The following SGCB variants were observed in gnomAD, a reference collection of about 807,000 sequenced individuals.
SGCB encodes the protein beta-sarcoglycan.
A neutral mutation model predicts 27.3 loss-of-function variants in SGCB; 25 were observed. That is an observed-to-expected ratio of 0.92 (90% CI 0.67 to 1.28). SGCB has a LOEUF of 1.28. Ranked by LOEUF, SGCB falls within the 50% of genes most tolerant of loss-of-function variation. The pLI is 0.00. For synonymous variants in SGCB, 147 were observed against 133.5 expected (o/e 1.10, Z -0.70); for missense variants, 436 against 402.1 (o/e 1.08, Z -0.72).
At chr4:52,030,058 A>C (rs1010822293) in intron 2 of SGCB, among the ~76,000 whole-genome samples, 195 bp from the exon 3 acceptor site, 2 of 152,200 alleles carry the variant, frequency 1.3e-5, no homozygotes. Flanking sequence ...GCAAATAGCT[A>C]AAAGTCAAAA....
Position 52,022,391 on chromosome 4 carries a change from A to G in SGCB, c.*1566T>C, listed in dbSNP as rs13989. On this transcript the variant is annotated 3_prime_UTR_variant, in exon 6 of 6. Coordinates refer to ENST00000381431, the MANE Select transcript of SGCB (RefSeq NM_000232.5). ...TACACTTGAATGCAGGGTTGGGCCCATGCCACAACTCTACTGCCTATTTTA... is the reference window on the plus strand; with the variant it reads ...TACACTTGAATGCAGGGTTGGGCCCGTGCCACAACTCTACTGCCTATTTTA... The G allele has an allele frequency of 0.44, 66,510 of 152,124 alleles. 17,091 individuals carry two copies. The highest frequency in any genetic ancestry group is 0.58 in the Non-Finnish European group (39,123 of 67,972). The allele number at this position is 152,124 out of a possible 1,614,324, so 9.4% of individuals were successfully genotyped here. A position where few individuals can be genotyped will look rare whatever the true frequency, so the allele number is the denominator to read the frequency against.
Position 52,029,781 on chromosome 4 carries a change from C to T in SGCB, c.326G>A (p.Arg109Gln). 4 of 1,612,956 alleles carry T rather than the reference C, an allele frequency of 2.5e-6. No homozygotes were observed. Among genetic ancestry groups the T allele is most frequent in the Admixed American group, 1.7e-5 (1 of 59,988 alleles). The change falls in exon 3 of 6, where the codon CGA becomes CAA. Residue 109 changes from arginine to glutamine, a missense_variant. Transcript: ENST00000381431. ...SMEFHESGLL[R>Q]FKQVSDMGVI... Reference sequence around the variant, plus strand: ...TCCCATGTCAGATACTTGCTTAAATCGAAGCAGGCCACTTTCATGAAACTC... The same window carrying T: ...TCCCATGTCAGATACTTGCTTAAATTGAAGCAGGCCACTTTCATGAAACTC...
rs1178201650 is a variant in SGCB at position 52,022,074 on chromosome 4, T to G, written c.*1883A>C. On this transcript the variant is annotated 3_prime_UTR_variant, in exon 6 of 6. Coordinates refer to ENST00000381431, the MANE Select transcript of SGCB (RefSeq NM_000232.5). ...ATTTATGGACCATCTGAATAAAAAT[T>G]TCGGCATTTTTTTCTGAATTCAGAC... 5.3e-5 allele frequency: 8 copies of G among 152,222 alleles called. No individual in the cohort carries two copies. Among genetic ancestry groups the G allele is most frequent in the African/African-American group, 1.9e-4 (8 of 41,462 alleles). The allele number at this position is 152,222 out of a possible 1,614,324, so 9.4% of individuals were successfully genotyped here.
At chr4:52,031,032 T>A (rs1211720866) in intron 2 of SGCB, among the ~76,000 whole-genome samples, 1 of 152,208 alleles carries the variant, frequency 6.6e-6, no homozygotes. Flanking sequence ...TGATTTTGTA[T>A]TCTTTATACA....
intron 2 of SGCB, among the ~76,000 whole-genome samples, chr4:52,030,095 G>C (rs547971878): frequency 3.3e-5 from 5 of 152,050 alleles, no homozygotes; most frequent in Non-Finnish European, 7.4e-5. Context: ...AATTTAAAAT[G>C]AATAGTTTCT....
At chr4:52,034,941 C>G (rs1188193038) in intron 1 of SGCB, among the ~76,000 whole-genome samples, 6 of 152,216 alleles carry the variant, frequency 3.9e-5, no homozygotes, top group Non-Finnish European at 1.5e-5. Context: ...AAAATTTCTC[C>G]ATTTTAACTT....
chr4:52,036,651 G>C (rs947631378), intron 1 of SGCB, among the ~76,000 whole-genome samples: 3 of 152,188 alleles, frequency 2.0e-5, no homozygotes, highest in Non-Finnish European at 2.9e-5. Context: ...TTAAGAGGTA[G>C]AACTGTCAGG....
chr4:52,029,829 C>T lies in SGCB; in HGVS notation c.278G>A (p.Gly93Glu), dbSNP rs1018529334. ...TLVIWAVIRIGPNGCDSMEFH... is the reference protein window; with the variant it reads ...TLVIWAVIRIEPNGCDSMEFH... ...CTCCATACTATCACAGCCATTTGGT[C>T]CAATGCGAATCACGGCCCAAATAAC... Residue 93 changes from glycine to glutamate, a missense_variant, in exon 3 of 6, where the codon GGA becomes GAA. By Grantham distance (98) the Gly-to-Glu change is moderately conservative. Coordinates refer to ENST00000381431, the MANE Select transcript of SGCB (RefSeq NM_000232.5). 7 of 1,613,700 alleles carry T rather than the reference C, an allele frequency of 4.3e-6. No individual in the cohort carries two copies. The Admixed American group carries it at 6.7e-5, about 15-fold the overall frequency.
intron 5 of SGCB, 26 bp from the exon 6 acceptor site, chr4:52,024,186 T>A: frequency 1.3e-6 from 2 of 1,571,794 alleles, no homozygotes; most frequent in Non-Finnish European, 8.7e-7. Context: ...TAATATGATT[T>A]ATTTACCTCC....
chr4:52,032,416 T>C (rs1578127382), intron 2 of SGCB, among the ~76,000 whole-genome samples: 1 of 152,238 alleles, frequency 6.6e-6, no homozygotes, highest in Admixed American at 6.5e-5. Context: ...TGCTTCCGAC[T>C]TTCTTCAAAG....
rs770552656 is a variant in SGCB at position 52,028,089 on chromosome 4, T to C, written c.632A>G (p.Asn211Ser). 3.7e-6 allele frequency: 6 copies of C among 1,612,370 alleles called. No homozygotes were observed. The highest frequency in any genetic ancestry group is 4.5e-5 in the East Asian group (2 of 44,824). ...QKASTERITSNATSDLNIKVD... is the reference protein window; with the variant it reads ...QKASTERITSSATSDLNIKVD... ...TTTTATATTTAAATCACTGGTAGCA[T>C]TGCTGGTAATCTGAAAATTTAAAAA... Residue 211 changes from asparagine to serine, a missense_variant, in exon 5 of 6, where the codon AAT becomes AGT. Asn to Ser is a conservative substitution (Grantham distance 46, BLOSUM62 1). Transcript: ENST00000381431.
chr4:52,028,187 A>C (rs763594449), intron 4 of SGCB, 88 bp from the exon 5 acceptor site: 4 of 1,042,464 alleles, frequency 3.8e-6, no homozygotes, highest in Non-Finnish European at 5.8e-6. Flanking sequence ...AGCTTCAGTC[A>C]TGAGAGATGA....
Position 52,024,177 on chromosome 4 carries a change from A to G in SGCB, c.754-17T>C, listed in dbSNP as rs1359640445. 1 of 1,597,910 alleles carries G rather than the reference A, an allele frequency of 6.3e-7. No homozygotes were observed. The highest frequency in any genetic ancestry group is 8.6e-7 in the Non-Finnish European group (1 of 1,166,296). ...ACTGTTTTCCTATTAGGAGAATAGT[A>G]ATATGATTTATTTACCTCCATGAGG... On this transcript the variant is annotated splice_polypyrimidine_tract_variant and intron_variant, in intron 5 of 5. Transcript: ENST00000381431.
rs532781617 is a variant in SGCB, at chr4:52,029,690, G to A, written c.417C>T (p.Gly139=). 5 of 1,611,972 alleles carry A rather than the reference G, an allele frequency of 3.1e-6. No homozygotes were observed. In the East Asian group the frequency reaches 6.7e-5, roughly 22 times the overall value. Residue 139 remains glycine (G), a synonymous_variant, in exon 3 of 6, where the codon GGC becomes GGT. Coordinates refer to ENST00000381431, the MANE Select transcript of SGCB (RefSeq NM_000232.5). ...GRRNENLVIT[G]NNQPIVFQQG... Reference sequence around the variant, plus strand: ...TGTGGCAACTTACAGGCTGGTTGTTGCCAGTGATGACCAAATTTTCATTTC... The same window carrying A: ...TGTGGCAACTTACAGGCTGGTTGTTACCAGTGATGACCAAATTTTCATTTC...
intron 2 of SGCB, chr4:52,031,811 G>T (rs1274545948): frequency 2.3e-6 from 1 of 433,610 alleles, no homozygotes; most frequent in African/African-American, 2.0e-5. Flanking sequence ...TATTTGAGGG[G>T]TAGGGCTTGT....
intron 1 of SGCB, 141 bp from the exon 2 acceptor site, chr4:52,033,781 G>T: frequency 5.6e-6 from 4 of 718,636 alleles, no homozygotes; most frequent in Non-Finnish European, 1.0e-5. Flanking sequence ...ATCACATTGA[G>T]TTGCAGTTCC....
chr4:52,036,752 G>A (rs1372794237), intron 1 of SGCB, among the ~76,000 whole-genome samples: 1 of 152,116 alleles, frequency 6.6e-6, no homozygotes, highest in Non-Finnish European at 1.5e-5. Context: ...GGGCCCAGGG[G>A]GAAAAGAAAA....
rs1299171942 is a variant in SGCB, at chr4:52,029,456, A to T, written c.429+222T>A. Among the ~76,000 whole-genome samples, 4 of 152,324 alleles carry T rather than the reference A, an allele frequency of 2.6e-5. No individual in the cohort carries two copies. In the East Asian group the frequency reaches 7.7e-4, roughly 29 times the overall value. ...AATCTCAAATATTAAGAAATCATCT[A>T]ATTTTAACAGATGATAAAAGCAATA... is the stretch of plus-strand genomic sequence containing the variant. On this transcript the variant is annotated intron_variant, in intron 3 of 5. Coordinates refer to ENST00000381431, the MANE Select transcript of SGCB (RefSeq NM_000232.5).
At chr4:52,033,899 G>C (rs2109376383) in intron 1 of SGCB, among the ~76,000 whole-genome samples, 1 of 152,244 alleles carries the variant, frequency 6.6e-6, no homozygotes, top group East Asian at 1.9e-4. Flanking sequence ...AAAGTATACA[G>C]CTTGTTTCTG....
Sources: gnomAD v4.1 joint callset for allele counts (sites outside exome capture counted in the v4.1 genomes callset) on GRCh38, gnomAD v4.1.1 for gene constraint, MANE v1.5 for transcripts, NCBI Gene and HGNC (gene_info 2026-07-23, HGNC 2026-07-21) for gene names.